RBFOX1: variants seen among roughly 807,000 people sequenced by gnomAD.
RBFOX1 encodes RNA binding protein fox-1 homolog 1.
A neutral mutation model predicts 57.7 loss-of-function variants in RBFOX1; 8 were observed. That is an observed-to-expected ratio of 0.14 (90% CI 0.08 to 0.25). The LOEUF (loss-of-function observed/expected upper bound fraction) is 0.25, where lower values mean the gene tolerates loss of function less well. Among genes scored for constraint, RBFOX1 ranks in the 10% least tolerant of loss-of-function variants. The pLI, the probability that RBFOX1 is intolerant of heterozygous loss-of-function variation, is 1.00. For missense variants in RBFOX1, 611 were observed against 548.5 expected (o/e 1.11, Z -1.14); for synonymous variants, 326 against 222.4 (o/e 1.47, Z -4.15).
At chr16:7,054,623 T>G (rs1378401555) in intron 4 of RBFOX1, among the ~76,000 whole-genome samples, 10 of 151,304 alleles carry the variant, frequency 6.6e-5, no homozygotes, top group Admixed American at 4.0e-4. Flanking sequence ...ATGAAATGCA[T>G]TTTCCTCAAT....
In RBFOX1 at chr16:5,681,475, C is replaced by A. The variant is rs35766415; in HGVS notation, c.318+82514C>A. The stretch of plus-strand genomic sequence containing the variant: ...GTGATCTCAGCTCACTGCAACCTCC[C>A]CATCCCCGGTTCAAGTGATTCTCCT... On this transcript the variant is annotated intron_variant, in intron 3 of 19. Coordinates refer to the RBFOX1 transcript ENST00000641259. Among the ~76,000 whole-genome samples the A allele has an allele frequency of 6.0e-5, 9 of 150,494 alleles. No homozygotes were observed. In the East Asian group the frequency reaches 1.8e-3, roughly 30 times the overall value.
At chr16:7,322,051 C>G (rs1258745154) in intron 4 of RBFOX1, among the ~76,000 whole-genome samples, 1 of 152,206 alleles carries the variant, frequency 6.6e-6, no homozygotes, top group Non-Finnish European at 1.5e-5. Context: ...TATCTGCTAC[C>G]TCCTTTTCTC....
intron 4 of RBFOX1, among the ~76,000 whole-genome samples, chr16:7,444,473 C>A (rs1205730821): frequency 6.6e-6 from 1 of 152,098 alleles, no homozygotes; most frequent in African/African-American, 2.4e-5. Context: ...AAAGCAAAGG[C>A]AGCTTTATAA....
chr16:5,954,974 G>T (rs72770954), intron 4 of RBFOX1, among the ~76,000 whole-genome samples: 10,482 of 151,548 alleles, frequency 0.069, 394 homozygotes, highest in South Asian at 0.11. Context: ...TGATGAGGCA[G>T]CAGCCTAAGA....
At chr16:6,303,805 CTT>C (rs1177185329) in intron 1 of RBFOX1, among the ~76,000 whole-genome samples, 3 of 70,406 alleles carry the variant, frequency 4.3e-5, no homozygotes, top group African/African-American at 1.7e-4. Flanking sequence ...GAAACCCTGT[CTT>C]TTTTTTTTTT....
intron 3 of RBFOX1, among the ~76,000 whole-genome samples, chr16:5,690,489 C>G (rs547524887): frequency 6.6e-6 from 1 of 152,242 alleles, no homozygotes; most frequent in South Asian, 2.1e-4. Flanking sequence ...GCCCGTAACG[C>G]TCTTGGCATA....
intron 1 of RBFOX1, among the ~76,000 whole-genome samples, chr16:5,355,802 G>A (rs2065372788): frequency 6.6e-6 from 1 of 152,124 alleles, no homozygotes. Flanking sequence ...CTTAAAAGAA[G>A]GAAAGAGGCT....
intron 4 of RBFOX1, among the ~76,000 whole-genome samples, chr16:7,144,574 G>T (rs937559258): frequency 6.6e-6 from 1 of 151,760 alleles, no homozygotes; most frequent in Admixed American, 6.6e-5. Context: ...ACATGCATGA[G>T]CTACTGCGCC....
intron 4 of RBFOX1, among the ~76,000 whole-genome samples, chr16:7,296,259 CT>C (rs33997825): frequency 0.22 from 26,115 of 119,640 alleles, 1,827 homozygotes; most frequent in Middle Eastern, 0.29. Context: ...TTATGTCCTC[CT>C]TTTTTTTTTT....
chr16:5,975,281 C>A (rs1057041410), intron 4 of RBFOX1, among the ~76,000 whole-genome samples: 1 of 152,170 alleles, frequency 6.6e-6, no homozygotes, highest in Non-Finnish European at 1.5e-5. Flanking sequence ...CTGCCTCATG[C>A]CTCCATTGCA....
At chr16:7,428,352 A>T (rs1277889578) in intron 4 of RBFOX1, among the ~76,000 whole-genome samples, 46 of 79,762 alleles carry the variant, frequency 5.8e-4, no homozygotes, top group Admixed American at 1.3e-3. Context: ...TTTGAGACGG[A>T]GTTTTGCTCT....
chr16:7,198,298 C>G (rs2087327045), intron 4 of RBFOX1, among the ~76,000 whole-genome samples: 1 of 152,202 alleles, frequency 6.6e-6, no homozygotes, highest in African/African-American at 2.4e-5. Flanking sequence ...AGCCACCGCA[C>G]ATGGCCAATA....
chr16:7,351,091 G>C (rs1196202953), intron 4 of RBFOX1, among the ~76,000 whole-genome samples: 1 of 152,170 alleles, frequency 6.6e-6, no homozygotes, highest in Non-Finnish European at 1.5e-5. Context: ...TTTTATTTTA[G>C]CAGAAGTAGA....
intron 3 of RBFOX1, among the ~76,000 whole-genome samples, chr16:6,665,626 CAA>C (rs71406390): frequency 7.9e-5 from 8 of 101,418 alleles, no homozygotes; most frequent in East Asian, 2.8e-4. Flanking sequence ...ACTCCATCTC[CAA>C]AAAAAAAAAA....
At chr16:7,049,983 C>T (rs572349589) in intron 3 of RBFOX1, among the ~76,000 whole-genome samples, 2 of 152,270 alleles carry the variant, frequency 1.3e-5, no homozygotes, top group Middle Eastern at 3.4e-3. Context: ...AAATAGAAAC[C>T]TCATACCCAT....
At chr16:5,317,544 G>T (rs961036438) in intron 1 of RBFOX1, among the ~76,000 whole-genome samples, 1 of 152,176 alleles carries the variant, frequency 6.6e-6, no homozygotes. Flanking sequence ...GGGAGGTGGA[G>T]TTTGCAGTGA....
intron 4 of RBFOX1, among the ~76,000 whole-genome samples, chr16:7,399,867 C>G (rs1006297195): frequency 6.6e-6 from 1 of 152,186 alleles, no homozygotes; most frequent in East Asian, 1.9e-4. Flanking sequence ...TTATTGTGAA[C>G]TATCCTTGCA....
At chr16:6,956,001 C>T (rs1052516806) in intron 3 of RBFOX1, among the ~76,000 whole-genome samples, 4 of 152,156 alleles carry the variant, frequency 2.6e-5, no homozygotes, top group African/African-American at 7.2e-5. Context: ...CCACCAGACC[C>T]GGCCTCCATC....
intron 3 of RBFOX1, among the ~76,000 whole-genome samples, chr16:6,844,305 G>GT (rs371821060): frequency 7.9e-5 from 12 of 152,138 alleles, no homozygotes; most frequent in African/African-American, 2.7e-4. Flanking sequence ...CATCACCTAG[G>GT]TATTAAATCT....
Sources: gnomAD v4.1 joint callset for allele counts (sites outside exome capture counted in the v4.1 genomes callset) on GRCh38, gnomAD v4.1.1 for gene constraint, MANE v1.5 for transcripts, NCBI Gene and HGNC (gene_info 2026-07-23, HGNC 2026-07-21) for gene names.